Variants in JRK observed in about 807,000 individuals in gnomAD.
JRK encodes the protein Jrk helix-turn-helix protein.
For synonymous variants in JRK, 303 were observed against 218.1 expected (o/e 1.39, Z -3.43); for missense variants, 720 against 509.2 (o/e 1.41, Z -3.98).
the JRK span, among the ~76,000 whole-genome samples, chr8:142,649,747 G>A: frequency 6.6e-6 from 1 of 151,050 alleles, no homozygotes; most frequent in African/African-American, 2.4e-5. Flanking sequence ...GAAGAAGTTT[G>A]CTGCAGGGGC....
Position 142,661,174 on chromosome 8 carries a change from C to G in JRK, c.*3178G>C. The G allele has an allele frequency of 1.0e-6, 1 of 985,522 alleles. No individual in the cohort carries two copies. The highest frequency in any genetic ancestry group is 4.7e-5 in the South Asian group (1 of 21,286). 61.0% of individuals were successfully genotyped at this position (985,522 alleles called of 1,614,324 possible). Reference sequence around the variant, plus strand: ...AAGGTCTGCTCTAGACCCTCCTATGCAGGAGACAGACAACTTCCAGGACAG... The same window carrying G: ...AAGGTCTGCTCTAGACCCTCCTATGGAGGAGACAGACAACTTCCAGGACAG... On this transcript the variant is annotated 3_prime_UTR_variant, in exon 2 of 2. Coordinates refer to ENST00000612905, the MANE Select transcript of JRK (RefSeq NM_003724.4).
In JRK at chr8:142,659,100, T is replaced by G. The variant is rs1341511411; in HGVS notation, c.*5252A>C. On this transcript the variant is annotated 3_prime_UTR_variant, in exon 2 of 2. Coordinates refer to ENST00000612905, the MANE Select transcript of JRK (RefSeq NM_003724.4). ...GAACTGACAGCCCATCAAGGTACAA[T>G]GAAATAGAAAAAAGGCTGGCCAGGT... 2.2e-6 allele frequency: 3 copies of G among 1,380,252 alleles called. No individual in the cohort carries two copies. Among genetic ancestry groups the G allele is most frequent in the Non-Finnish European group, 2.8e-6 (3 of 1,066,628 alleles). The allele number at this position is 1,380,252 out of a possible 1,614,324, so 85.5% of individuals were successfully genotyped here. A position where few individuals can be genotyped will look rare whatever the true frequency, so the allele number is the denominator to read the frequency against.
intron 1 of JRK, among the ~76,000 whole-genome samples, chr8:142,668,063 G>A (rs1847187687): frequency 6.6e-6 from 1 of 152,200 alleles, no homozygotes; most frequent in African/African-American, 2.4e-5. Context: ...AGTGTGGCGT[G>A]CGTGCTATGG....
the JRK span, among the ~76,000 whole-genome samples, chr8:142,645,413 C>T: frequency 6.6e-6 from 1 of 152,166 alleles, no homozygotes; most frequent in Non-Finnish European, 1.5e-5. Flanking sequence ...GGCACGATGG[C>T]TCATGCCTGC....
chr8:142,662,149 C>A lies in JRK; in HGVS notation c.*2203G>T. On this transcript the variant is annotated 3_prime_UTR_variant, in exon 2 of 2. Coordinates refer to ENST00000612905, the MANE Select transcript of JRK (RefSeq NM_003724.4). Reference sequence around the variant, plus strand: ...GGCACCCTGAGGACACAGCCACTCACTGGGGACAAGCGCCTACCCATCAGC... The same window carrying A: ...GGCACCCTGAGGACACAGCCACTCAATGGGGACAAGCGCCTACCCATCAGC... 1.0e-6 allele frequency: 1 copy of A among 986,014 alleles called. No homozygotes were observed. The highest frequency in any genetic ancestry group is 1.2e-6 in the Non-Finnish European group (1 of 830,420). 61.1% of individuals were successfully genotyped at this position (986,014 alleles called of 1,614,324 possible). A position where few individuals can be genotyped will look rare whatever the true frequency, so the allele number is the denominator to read the frequency against.
At position 142,658,760 on chromosome 8, in the gene JRK, A is replaced by T; in HGVS notation, c.*5592T>A. On this transcript the variant is annotated 3_prime_UTR_variant, in exon 2 of 2. Coordinates refer to ENST00000612905, the MANE Select transcript of JRK (RefSeq NM_003724.4). ...CTTAACACCATCGTCATGGAGATGG[A>T]GGCCACAGACCTACCAACACCCATA... The T allele has an allele frequency of 1.3e-6, 2 of 1,514,458 alleles. No individual in the cohort carries two copies. The highest frequency in any genetic ancestry group is 1.8e-6 in the Non-Finnish European group (2 of 1,127,664). The allele number at this position is 1,514,458 out of a possible 1,614,324, so 93.8% of individuals were successfully genotyped here. A position where few individuals can be genotyped will look rare whatever the true frequency, so the allele number is the denominator to read the frequency against.
At position 142,664,445 on chromosome 8, in the gene JRK, C is replaced by G. The variant is rs782081657; in HGVS notation, c.1614G>C (p.Val538=). 1 of 1,611,428 alleles carries G rather than the reference C, an allele frequency of 6.2e-7. No homozygotes were observed. Among genetic ancestry groups the G allele is most frequent in the Non-Finnish European group, 8.5e-7 (1 of 1,178,888 alleles). Reference sequence around the variant, plus strand: ...CCTCCTGGAGGGCTTCAACCTTGACCACAGCCCCGAGGGCACCACGCCGCC... The same window carrying G: ...CCTCCTGGAGGGCTTCAACCTTGACGACAGCCCCGAGGGCACCACGCCGCC... The part of the protein sequence containing the change: ...VRRRRGALGA[V]VKVEALQEGP... Residue 538 remains valine (V), a synonymous_variant, in exon 2 of 2, where the codon GTG becomes GTC. Coordinates refer to ENST00000612905, the MANE Select transcript of JRK (RefSeq NM_003724.4).
Position 142,663,020 on chromosome 8 carries a change from G to C in JRK, c.*1332C>G, listed in dbSNP as rs11781103. 8,715 of 568,156 alleles carry C rather than the reference G, an allele frequency of 0.015. 112 individuals are homozygous for C. Among genetic ancestry groups the C allele is most frequent in the Non-Finnish European group, 0.018 (7,971 of 448,814 alleles). The allele number at this position is 568,156 out of a possible 1,614,324, so 35.2% of individuals were successfully genotyped here. ...ACAAAAAAAATAAAAAGGCGCGGTG[G>C]TGCGTGCCTCTAGTCCCAGCTACTC... On this transcript the variant is annotated 3_prime_UTR_variant, in exon 2 of 2. Transcript: ENST00000612905.
Position 142,665,644 on chromosome 8 carries a change from A to C in JRK, c.415T>G (p.Phe139Val), listed in dbSNP as rs1847095656. The C allele has an allele frequency of 1.4e-6, 1 of 718,938 alleles. No homozygotes were observed. The highest frequency in any genetic ancestry group is 2.6e-6 in the Non-Finnish European group (1 of 385,406). The allele number at this position is 718,938 out of a possible 1,614,324, so 44.5% of individuals were successfully genotyped here. ...TTTTTAATGCCGTGTCTGGCCTTAA[A>C]GCGCCAAAGCCACCCTCCGGAGAAC... Reference protein sequence around the residue: ...CVFSGGWLWRFKARHGIKKLD... With the variant: ...CVFSGGWLWRVKARHGIKKLD... The change falls in exon 2 of 2, where the codon TTT becomes GTT. Residue 139 changes from phenylalanine (F) to valine (V), a missense_variant. Physicochemically the swap from Phe to Val is conservative, Grantham distance 50. Coordinates refer to ENST00000612905, the MANE Select transcript of JRK (RefSeq NM_003724.4).
downstream of JRK, among the ~76,000 whole-genome samples, chr8:142,655,582 C>A (rs1554633543): frequency 3.5e-5 from 5 of 143,714 alleles, no homozygotes; most frequent in Non-Finnish European, 7.7e-5. Flanking sequence ...AGATCCCAGG[C>A]TGTGGAGTAA....
rs1554635903 is a variant in JRK, at chr8:142,665,821, TGCGCCGCTGCTCCAGC to T, written c.222_237del (p.Leu75ArgfsTer69). ...TGCTCCAGCTTGGGCGTGTGCAGCG[TGCGCCGCTGCTCCAGC>T]GCCTTGTTGGAGTCGGAGCTGGCGA... On this transcript the variant is annotated frameshift_variant, in exon 2 of 2. Coordinates refer to ENST00000612905, the MANE Select transcript of JRK (RefSeq NM_003724.4). LOFTEE classifies it low-confidence loss of function (END_TRUNC). The T allele has an allele frequency of 1.3e-6, 1 of 779,114 alleles. No individual in the cohort carries two copies. The highest frequency in any genetic ancestry group is 1.7e-5 in the African/African-American group (1 of 59,266). The allele number at this position is 779,114 out of a possible 1,614,324, so 48.3% of individuals were successfully genotyped here.
At position 142,664,861 on chromosome 8, in the gene JRK, C is replaced by G. The variant is rs1554635365; in HGVS notation, c.1198G>C (p.Glu400Gln). 1 of 1,502,714 alleles carries G rather than the reference C, an allele frequency of 6.7e-7. No individual in the cohort carries two copies. Among genetic ancestry groups the G allele is most frequent in the South Asian group, 1.1e-5 (1 of 87,848 alleles). 93.1% of individuals were successfully genotyped at this position (1,502,714 alleles called of 1,614,324 possible). The change falls in exon 2 of 2, where the codon GAG becomes CAG. Residue 400 changes from glutamate to glutamine, a missense_variant. By Grantham distance (29) the Glu-to-Gln change is conservative. Coordinates refer to ENST00000612905, the MANE Select transcript of JRK (RefSeq NM_003724.4). ...ACTGGGAAGCACTCTGCCTCCAACT[C>G]CTCCTCAGAGGAGGAGCCTTCGGCA... ...AFAEGSSSEE[E>Q]LEAECFPVKP... is the part of the protein sequence containing the mutation.
At chr8:142,650,603 CT>C in the JRK span, among the ~76,000 whole-genome samples, 1 of 152,242 alleles carries the variant, frequency 6.6e-6, no homozygotes, top group Non-Finnish European at 1.5e-5. Flanking sequence ...CACAAACTCT[CT>C]TTGCCTGCTG....
At position 142,663,675 on chromosome 8, in the gene JRK, G is replaced by T. The variant is rs1410316182; in HGVS notation, c.*677C>A. ...ACTCTACCAAGTCAACTCTCCGTGGGGCCCCCCAACATCTTGGGGCCAGAG... is the reference window on the plus strand; with the variant it reads ...ACTCTACCAAGTCAACTCTCCGTGGTGCCCCCCAACATCTTGGGGCCAGAG... On this transcript the variant is annotated 3_prime_UTR_variant, in exon 2 of 2. Transcript: ENST00000612905. 5.1e-6 allele frequency: 5 copies of T among 985,302 alleles called. No individual in the cohort carries two copies. Among genetic ancestry groups the T allele is most frequent in the Non-Finnish European group, 6.0e-6 (5 of 829,956 alleles). 61.0% of individuals were successfully genotyped at this position (985,302 alleles called of 1,614,324 possible). A position where few individuals can be genotyped will look rare whatever the true frequency, so the allele number is the denominator to read the frequency against.
chr8:142,665,101 G>A lies in JRK; in HGVS notation c.958C>T (p.Leu320=), dbSNP rs1554635512. The A allele has an allele frequency of 2.8e-6, 2 of 717,954 alleles. No individual in the cohort carries two copies. The highest frequency in any genetic ancestry group is 5.2e-6 in the Non-Finnish European group (2 of 385,116). The allele number at this position is 717,954 out of a possible 1,614,324, so 44.5% of individuals were successfully genotyped here. The change falls in exon 2 of 2, where the codon CTG becomes TTG. Residue 320 remains leucine, a synonymous_variant. Transcript: ENST00000612905. ...LVSSNVFTIF[L]PASVASLVQP... ...ACCAATGAGGCCACGCTGGCAGGCA[G>A]GAAGATGGTGAAAACGTTACTGGAC...
downstream of JRK, among the ~76,000 whole-genome samples, chr8:142,656,814 G>A (rs587662587): frequency 1.0e-3 from 158 of 152,248 alleles, 2 homozygotes; most frequent in Admixed American, 0.01. Flanking sequence ...GGTGGGAGGG[G>A]AATCAGCAAT....
At chr8:142,649,797 C>T in the JRK span, among the ~76,000 whole-genome samples, 9 of 152,212 alleles carry the variant, frequency 5.9e-5, no homozygotes, top group African/African-American at 7.2e-5. Context: ...CAGTGTGGAA[C>T]GAAAATGTGG....
Position 142,666,053 on chromosome 8 carries a change from G to A in JRK, c.6C>T (p.Ala2=), listed in dbSNP as rs1847118952. 1.2e-6 allele frequency: 2 copies of A among 1,607,188 alleles called. No homozygotes were observed. Among genetic ancestry groups the A allele is most frequent in the Non-Finnish European group, 1.7e-6 (2 of 1,176,532 alleles). The part of the protein sequence containing the change: M[A]SKPAAGKSRG... ...TGCTCTTCCCGGCAGCCGGCTTGGA[G>A]GCCATGGGGAGGGGTGGCTGGTCCT... is the stretch of plus-strand genomic sequence containing the variant. The change falls in exon 2 of 2, where the codon GCC becomes GCT. Residue 2 remains alanine, a synonymous_variant. Coordinates refer to ENST00000612905, the MANE Select transcript of JRK (RefSeq NM_003724.4).
chr8:142,661,235 C>T lies in JRK; in HGVS notation c.*3117G>A. ...GTGCTCGCAGAAGGCCAGGCTGGCA[C>T]AGGCAGGACAGGTGTTCTGTAAACC... On this transcript the variant is annotated 3_prime_UTR_variant, in exon 2 of 2. Transcript: ENST00000612905. 1 of 985,582 alleles carries T rather than the reference C, an allele frequency of 1.0e-6. No homozygotes were observed. The highest frequency in any genetic ancestry group is 4.7e-5 in the South Asian group (1 of 21,286). 61.1% of individuals were successfully genotyped at this position (985,582 alleles called of 1,614,324 possible).
Sources: allele counts gnomAD v4.1 joint callset (sites outside exome capture counted in the v4.1 genomes callset), GRCh38; gene constraint gnomAD v4.1.1; transcripts MANE v1.5; gene names NCBI Gene and HGNC (gene_info 2026-07-23, HGNC 2026-07-21).